The following KIF27 variants were observed in gnomAD, a reference collection of about 807,000 sequenced individuals.
The protein encoded by KIF27 is kinesin family member 27, also known as kinesin-like protein KIF27.
KIF27 carries 84 observed loss-of-function variants against 141.8 expected under a neutral mutation model. The observed-to-expected ratio is 0.59, with a 90% confidence interval of 0.50 to 0.71. The LOEUF is 0.71. Ranked by LOEUF, KIF27 falls within the 30% of genes least tolerant of loss-of-function variation. The pLI is 0.00. For synonymous variants in KIF27, 471 were observed against 569.5 expected (o/e 0.83, Z 2.46); for missense variants, 1,306 against 1,628.4 (o/e 0.80, Z 3.41).
At chr9:83,854,800 A>G (rs893156595) in intron 14 of KIF27, among the ~76,000 whole-genome samples, 1 of 152,190 alleles carries the variant, frequency 6.6e-6, no homozygotes. Context: ...ATATGTTTCC[A>G]TATACCCATA....
At chr9:83,887,795 A>G (rs1404560967) in intron 8 of KIF27, among the ~76,000 whole-genome samples, 2 of 151,982 alleles carry the variant, frequency 1.3e-5, no homozygotes, top group Non-Finnish European at 2.9e-5. Context: ...TGGCTGCTTG[A>G]GTAGCATTTA....
At chr9:83,920,598 C>T (rs1313980467) in intron 1 of KIF27, among the ~76,000 whole-genome samples, 2 of 152,078 alleles carry the variant, frequency 1.3e-5, no homozygotes, top group Non-Finnish European at 2.9e-5. Context: ...AAAAAACTTG[C>T]CAGTAGATGG....
chr9:83,877,609 T>C (rs1214332618), intron 11 of KIF27, among the ~76,000 whole-genome samples: 1 of 152,174 alleles, frequency 6.6e-6, no homozygotes, highest in East Asian at 1.9e-4. Flanking sequence ...AATGGATTCT[T>C]AGACATGACA....
intron 2 of KIF27, among the ~76,000 whole-genome samples, chr9:83,913,475 T>C (rs1386633574): frequency 1.3e-5 from 2 of 152,282 alleles, no homozygotes; most frequent in Non-Finnish European, 2.9e-5. Context: ...GTTTGGTCTG[T>C]TGCCCAGGCT....
chr9:83,892,888 A>G (rs555441411), intron 5 of KIF27, among the ~76,000 whole-genome samples: 3 of 152,322 alleles, frequency 2.0e-5, no homozygotes, highest in South Asian at 4.1e-4. Flanking sequence ...CACAGCTTCA[A>G]TATTTGTAGT....
chr9:83,848,475 TATAC>T (rs1213764795), intron 16 of KIF27, among the ~76,000 whole-genome samples: 7 of 143,668 alleles, frequency 4.9e-5, no homozygotes, highest in African/African-American at 7.6e-5. Flanking sequence ...TATATGTATA[TATAC>T]ATATAGATAT....
At chr9:83,920,214 T>C (rs550119531) in intron 1 of KIF27, among the ~76,000 whole-genome samples, 1 of 152,272 alleles carries the variant, frequency 6.6e-6, no homozygotes, top group East Asian at 1.9e-4. Context: ...AGCGAGACCC[T>C]GTCTCAAAAC....
chr9:83,848,054 T>TG lies in KIF27; in HGVS notation c.3556+2044_3556+2045insC, dbSNP rs1491138894. On this transcript the variant is annotated intron_variant, in intron 16 of 17. Coordinates refer to ENST00000297814, the MANE Select transcript of KIF27 (RefSeq NM_017576.4). Reference sequence around the variant, plus strand: ...ATATCTATATATATCTACATATATCTATATATCATATATATGATATATGAT... The same window carrying TG: ...ATATCTATATATATCTACATATATCTGATATATCATATATATGATATATGAT... The TG allele has an allele frequency of 8.2e-5, 2 of 24,362 alleles. 1 individual carries two copies. Among genetic ancestry groups the TG allele is most frequent in the Non-Finnish European group, 1.6e-4 (2 of 12,480 alleles). The allele number at this position is 24,362 out of a possible 1,614,324, so 1.5% of individuals were successfully genotyped here. A position where few individuals can be genotyped will look rare whatever the true frequency, so the allele number is the denominator to read the frequency against.
chr9:83,842,544 T>A, intron 16 of KIF27, 143 bp from the exon 17 acceptor site: 3 of 1,097,318 alleles, frequency 2.7e-6, no homozygotes, highest in Non-Finnish European at 3.6e-6. Context: ...CGGCTCACTG[T>A]AAGCTCCGCC....
chr9:83,858,002 T>C (rs1337773545), intron 14 of KIF27, among the ~76,000 whole-genome samples: 2 of 148,244 alleles, frequency 1.3e-5, no homozygotes, highest in Admixed American at 6.8e-5. Context: ...CTATCTTCTA[T>C]AGAGCTTAGT....
intron 15 of KIF27, among the ~76,000 whole-genome samples, chr9:83,853,240 G>A (rs1948814950): frequency 1.3e-5 from 2 of 151,830 alleles, no homozygotes; most frequent in South Asian, 2.1e-4. Flanking sequence ...CCCCTACCCT[G>A]CAGCAATGAA....
intron 13 of KIF27, among the ~76,000 whole-genome samples, chr9:83,867,350 T>A (rs1281517943): frequency 1.3e-5 from 2 of 152,164 alleles, no homozygotes; most frequent in East Asian, 3.8e-4. Context: ...CTTTCATTTC[T>A]CATGGAGAAA....
chr9:83,904,004 T>G lies in KIF27; in HGVS notation c.514A>C (p.Lys172Gln), dbSNP rs540462841. 6.2e-7 allele frequency: 1 copy of G among 1,600,216 alleles called. No homozygotes were observed. Among genetic ancestry groups the G allele is most frequent in the Admixed American group, 1.7e-5 (1 of 57,388 alleles). ...EKGNTVIVGA[K>Q]ECHVESAGEV... The stretch of plus-strand genomic sequence containing the variant: ...CCTGCACTCTCCACATGGCATTCCT[T>G]GGCCCCAACAATCACTTAAAATAGT... Residue 172 changes from lysine to glutamine, a missense_variant, in exon 4 of 18, where the codon AAG becomes CAG. Lys to Gln is a moderately conservative substitution (Grantham distance 53). Transcript: ENST00000297814.
At chr9:83,850,648 T>C (rs1430845659) in intron 15 of KIF27, among the ~76,000 whole-genome samples, 1 of 151,202 alleles carries the variant, frequency 6.6e-6, no homozygotes, top group Non-Finnish European at 1.5e-5. Context: ...CTGGGTGTGG[T>C]GGTGCACGCC....
chr9:83,848,092 TG>T (rs1947624494), intron 16 of KIF27, among the ~76,000 whole-genome samples: 1 of 63,480 alleles, frequency 1.6e-5, no homozygotes, highest in East Asian at 3.2e-4. Context: ...ATCATATATA[TG>T]ATATATATGA....
intron 6 of KIF27, among the ~76,000 whole-genome samples, chr9:83,890,258 A>C (rs917372185): frequency 2.1e-4 from 32 of 152,170 alleles, no homozygotes; most frequent in African/African-American, 7.5e-4. Flanking sequence ...CAGTCACCTA[A>C]TTAGATCATC....
intron 14 of KIF27, among the ~76,000 whole-genome samples, chr9:83,856,274 C>A (rs943607057): frequency 6.6e-6 from 1 of 152,054 alleles, no homozygotes; most frequent in Non-Finnish European, 1.5e-5. Flanking sequence ...AAACTAACAA[C>A]AACTTTTGAG....
intron 6 of KIF27, 77 bp downstream of exon 6, chr9:83,891,218 T>A (rs1459556778): frequency 3.1e-5 from 37 of 1,191,026 alleles, no homozygotes; most frequent in Non-Finnish European, 4.5e-5. Context: ...GCTGAGACTG[T>A]ATAAATACAC....
chr9:83,915,157 T>C lies in KIF27; in HGVS notation c.298+137A>G, dbSNP rs201154126. 100 of 619,054 alleles carry C rather than the reference T, an allele frequency of 1.6e-4. No individual in the cohort carries two copies. The East Asian group carries it at 2.8e-3, about 17-fold the overall frequency. The allele number at this position is 619,054 out of a possible 1,614,324, so 38.3% of individuals were successfully genotyped here. On this transcript the variant is annotated intron_variant, in intron 2 of 17. Coordinates refer to ENST00000297814, the MANE Select transcript of KIF27 (RefSeq NM_017576.4). ...GAATCTTTCAAAGATGATGATCTTA[T>C]GATCACATTTGATTACATGATTCAT... is the stretch of plus-strand genomic sequence containing the variant.
Sources: allele counts gnomAD v4.1 joint callset (sites outside exome capture counted in the v4.1 genomes callset), GRCh38; gene constraint gnomAD v4.1.1; transcripts MANE v1.5; gene names NCBI Gene and HGNC (gene_info 2026-07-23, HGNC 2026-07-21).